Variants in KSR2 observed in about 807,000 individuals in gnomAD.
KSR2 encodes kinase suppressor of ras 2.
A neutral mutation model predicts 107.8 loss-of-function variants in KSR2; 25 were observed. That is an observed-to-expected ratio of 0.23 (90% CI 0.17 to 0.32). The LOEUF is 0.32. Ranked by LOEUF, KSR2 falls within the 10% of genes least tolerant of loss-of-function variation. The pLI, the probability that KSR2 is intolerant of heterozygous loss-of-function variation, is 1.00. For missense variants in KSR2, 887 were observed against 1,268.9 expected, an observed-to-expected ratio of 0.70 and a Z score of 4.57; for synonymous variants, 480 against 507.0, an observed-to-expected ratio of 0.95 and a Z score of 0.71.
At position 117,471,272 on chromosome 12, in the gene KSR2, T is replaced by C; in HGVS notation, c.2631A>G (p.Gln877=). 1.2e-6 allele frequency: 2 copies of C among 1,613,936 alleles called. No individual in the cohort carries two copies. The highest frequency in any genetic ancestry group is 1.7e-6 in the Non-Finnish European group (2 of 1,179,850). Residue 877 remains glutamine (Q), a synonymous_variant, in exon 18 of 20, where the codon CAA becomes CAG. Transcript: ENST00000339824. ...TTTGCCAGATTATTGCCTCTGCTGG[T>C]TGGGTCTTGAAAGGCCATTCCCTGG... ...LHAREWPFKT[Q]PAEAIIWQMG...
intron 7 of KSR2, among the ~76,000 whole-genome samples, chr12:117,566,392 T>C (rs914265541): frequency 3.9e-5 from 6 of 152,322 alleles, no homozygotes; most frequent in Middle Eastern, 3.4e-3. Flanking sequence ...AGTGCTGGGA[T>C]TACAGGCGTG....
At chr12:117,960,649 TACC>T (rs1896634783) in intron 1 of KSR2, among the ~76,000 whole-genome samples, 1 of 152,142 alleles carries the variant, frequency 6.6e-6, no homozygotes, top group African/African-American at 2.4e-5. Context: ...GCTGAGTCCA[TACC>T]TAACTGCAGG....
At chr12:117,804,821 T>C (rs1247088860) in intron 3 of KSR2, among the ~76,000 whole-genome samples, 2 of 152,192 alleles carry the variant, frequency 1.3e-5, no homozygotes, top group Non-Finnish European at 2.9e-5. Context: ...AAATGTAAGC[T>C]GCTCTCCCTC....
At chr12:117,604,567 A>C (rs766083711) in intron 5 of KSR2, among the ~76,000 whole-genome samples, 3 of 152,198 alleles carry the variant, frequency 2.0e-5, no homozygotes, top group Non-Finnish European at 4.4e-5. Flanking sequence ...AAAATGAAAC[A>C]GACAAGTTAG....
intron 1 of KSR2, among the ~76,000 whole-genome samples, chr12:117,914,444 G>T (rs1157280397): frequency 7.2e-6 from 1 of 139,438 alleles, no homozygotes; most frequent in Non-Finnish European, 1.6e-5. Flanking sequence ...AAAAAAAAAA[G>T]CCAAACAACA....
At chr12:117,857,648 T>A (rs1436128697) in intron 2 of KSR2, among the ~76,000 whole-genome samples, 1 of 152,166 alleles carries the variant, frequency 6.6e-6, no homozygotes. Context: ...GAACACTGTT[T>A]TAAGGTTTTT....
chr12:117,755,005 C>T (rs1227717925), intron 4 of KSR2, among the ~76,000 whole-genome samples: 1 of 152,128 alleles, frequency 6.6e-6, no homozygotes, highest in African/African-American at 2.4e-5. Context: ...AGAGATGGTT[C>T]CCAGCAGGAC....
At chr12:117,793,680 CCAA>C (rs1342823394) in intron 3 of KSR2, among the ~76,000 whole-genome samples, 1 of 150,050 alleles carries the variant, frequency 6.7e-6, no homozygotes, top group Non-Finnish European at 1.5e-5. Context: ...CATGCACACA[CCAA>C]CATGCACACA....
intron 1 of KSR2, among the ~76,000 whole-genome samples, chr12:117,927,666 C>G (rs889328654): frequency 2.0e-5 from 3 of 151,980 alleles, no homozygotes; most frequent in African/African-American, 4.8e-5. Context: ...GCACTCCAAC[C>G]TGGGCGACAG....
chr12:117,585,210 C>A (rs1879917633), intron 5 of KSR2, among the ~76,000 whole-genome samples: 1 of 152,118 alleles, frequency 6.6e-6, no homozygotes. Flanking sequence ...AATTCCTGAT[C>A]TAGATGCTTC....
rs575245956 is a variant in KSR2, at chr12:117,565,237, C to T, written c.1326-6664G>A. Reference sequence around the variant, plus strand: ...CTGTTCATTGGGCGATTCTAACCAACGGATGAAAATTTGCTCCGATCAGCT... The same window carrying T: ...CTGTTCATTGGGCGATTCTAACCAATGGATGAAAATTTGCTCCGATCAGCT... On this transcript the variant is annotated intron_variant, in intron 7 of 19. Transcript: ENST00000339824. Among the ~76,000 whole-genome samples, 23 of 152,290 alleles carry T rather than the reference C, an allele frequency of 1.5e-4. 1 individual carries two copies. Among genetic ancestry groups the T allele is most frequent in the Admixed American group, 1.2e-3 (19 of 15,300 alleles).
At chr12:117,863,903 C>A (rs367858481) in intron 1 of KSR2, among the ~76,000 whole-genome samples, 1 of 152,180 alleles carries the variant, frequency 6.6e-6, no homozygotes, top group Non-Finnish European at 1.5e-5. Context: ...TACCCTCCTA[C>A]TTCCCTCTTA....
chr12:117,563,797 T>A lies in KSR2; in HGVS notation c.1326-5224A>T, dbSNP rs575720066. Reference sequence around the variant, plus strand: ...CCAGCCCCCTCTCTCATGGGTGGCATGACCCAGAGGCATGCTCATTTTAGG... The same window carrying A: ...CCAGCCCCCTCTCTCATGGGTGGCAAGACCCAGAGGCATGCTCATTTTAGG... On this transcript the variant is annotated intron_variant, in intron 7 of 19. Coordinates refer to ENST00000339824, the MANE Select transcript of KSR2 (RefSeq NM_173598.6). 2.6e-5 allele frequency among the ~76,000 whole-genome samples: 4 copies of A among 152,192 alleles called. No homozygotes were observed. The East Asian group carries it at 5.8e-4, about 22-fold the overall frequency.
intron 1 of KSR2, among the ~76,000 whole-genome samples, chr12:117,916,406 G>A (rs999908670): frequency 5.3e-5 from 8 of 152,186 alleles, no homozygotes; most frequent in South Asian, 2.1e-4. Context: ...CAAAGTGCTG[G>A]GAATACAGGC....
At chr12:117,603,268 C>T (rs1881054961) in intron 5 of KSR2, among the ~76,000 whole-genome samples, 1 of 152,190 alleles carries the variant, frequency 6.6e-6, no homozygotes, top group African/African-American at 2.4e-5. Context: ...TCCCTAACTT[C>T]CTTACACAAC....
At chr12:117,956,718 G>A (rs1475085307) in intron 1 of KSR2, among the ~76,000 whole-genome samples, 2 of 151,986 alleles carry the variant, frequency 1.3e-5, no homozygotes, top group Non-Finnish European at 2.9e-5. Flanking sequence ...CTTGAGCTCA[G>A]GGGTTCAAGG....
At chr12:117,552,232 G>A (rs1877361328) in intron 9 of KSR2, among the ~76,000 whole-genome samples, 1 of 152,216 alleles carries the variant, frequency 6.6e-6, no homozygotes, top group Admixed American at 6.5e-5. Context: ...CTATGGGCCA[G>A]GAAGTACACT....
intron 3 of KSR2, among the ~76,000 whole-genome samples, chr12:117,772,357 GCACA>G (rs973231773): frequency 1.1e-5 from 1 of 91,464 alleles, no homozygotes; most frequent in Non-Finnish European, 2.1e-5. Context: ...CCCCAAAGAC[GCACA>G]CACACTCACA....
At chr12:117,804,828 CCT>C (rs1474742837) in intron 3 of KSR2, among the ~76,000 whole-genome samples, 1 of 152,160 alleles carries the variant, frequency 6.6e-6, no homozygotes, top group Non-Finnish European at 1.5e-5. Flanking sequence ...AGCTGCTCTC[CCT>C]CTCATTACAG....
Sources: gnomAD v4.1 joint callset for allele counts (sites outside exome capture counted in the v4.1 genomes callset) on GRCh38, gnomAD v4.1.1 for gene constraint, MANE v1.5 for transcripts, NCBI Gene and HGNC (gene_info 2026-07-23, HGNC 2026-07-21) for gene names.